The following GPA33 variants were observed in gnomAD, a reference collection of about 807,000 sequenced individuals.
GPA33 encodes the protein cell surface A33 antigen.
Under a neutral mutation model 35.6 loss-of-function variants are expected in GPA33, and 27 were observed. That is an observed-to-expected ratio of 0.76 (90% CI 0.56 to 1.04). The LOEUF is 1.04. Among genes scored for constraint, GPA33 ranks in the 50% least tolerant of loss-of-function variants. The pLI, the probability that GPA33 is intolerant of heterozygous loss-of-function variation, is 0.00. For missense variants in GPA33, 428 were observed against 411.9 expected (o/e 1.04, Z -0.34); for synonymous variants, 176 against 164.0 (o/e 1.07, Z -0.56).
intron 4 of GPA33, chr1:167,058,452 G>A (rs1332522365): frequency 6.6e-6 from 1 of 152,024 alleles, no homozygotes; most frequent in Non-Finnish European, 1.5e-5. Context: ...TATGGCAAGG[G>A]GTTTTAATCT....
At position 167,073,452 on chromosome 1, in the gene GPA33, G is replaced by A. The variant is rs376565841; in HGVS notation, c.131C>T (p.Thr44Ile). 31 of 1,612,958 alleles carry A rather than the reference G, an allele frequency of 1.9e-5. No individual in the cohort carries two copies. The highest frequency in any genetic ancestry group is 2.6e-5 in the Non-Finnish European group (31 of 1,179,100). Reference protein sequence around the residue: ...SQGKSVTLPCTYHTSTSSREG... With the variant: ...SQGKSVTLPCIYHTSTSSREG... Reference sequence around the variant, plus strand: ...TCGACTGGAGGTGGAAGTGTGGTAGGTGCAGGGCAGGGTGACACTCTTTCC... The same window carrying A: ...TCGACTGGAGGTGGAAGTGTGGTAGATGCAGGGCAGGGTGACACTCTTTCC... Residue 44 changes from threonine to isoleucine, a missense_variant, in exon 2 of 7, where the codon ACC becomes ATC. By Grantham distance (89) the Thr-to-Ile change is moderately conservative. Transcript: ENST00000367868.
intron 3 of GPA33, among the ~76,000 whole-genome samples, chr1:167,068,295 T>C (rs1666641749): frequency 6.6e-6 from 1 of 152,206 alleles, no homozygotes; most frequent in Admixed American, 6.5e-5. Flanking sequence ...TTTGAGTCAG[T>C]TCCTTCCTTT....
intron 4 of GPA33, among the ~76,000 whole-genome samples, chr1:167,057,377 C>G (rs1373832115): frequency 6.6e-6 from 1 of 151,944 alleles, no homozygotes; most frequent in South Asian, 2.1e-4. Flanking sequence ...TGGAGACCTA[C>G]CTCCTCTAAT....
chr1:167,064,802 A>G (rs759248772), intron 3 of GPA33, among the ~76,000 whole-genome samples: 8 of 151,996 alleles, frequency 5.3e-5, no homozygotes, highest in Non-Finnish European at 1.0e-4. Context: ...TGCCATAAGC[A>G]CGGGATGATG....
In GPA33 at chr1:167,054,234, T is replaced by G; in HGVS notation, c.*100A>C. The G allele has an allele frequency of 7.0e-7, 1 of 1,433,434 alleles. No homozygotes were observed. Among genetic ancestry groups the G allele is most frequent in the Non-Finnish European group, 9.6e-7 (1 of 1,041,266 alleles). 88.8% of individuals were successfully genotyped at this position (1,433,434 alleles called of 1,614,324 possible). On this transcript the variant is annotated 3_prime_UTR_variant, in exon 7 of 7. Transcript: ENST00000367868. ...GAAATGTCCCCATCAATGTCTGGGA[T>G]GGAGGGACAGGAGAACAGGGCTTAG...
intron 4 of GPA33, chr1:167,058,428 G>T (rs921494670): frequency 1.1e-4 from 17 of 152,106 alleles, no homozygotes; most frequent in African/African-American, 4.1e-4. Context: ...CAAGATGGAG[G>T]TACTATCTGA....
chr1:167,073,457 G>C lies in GPA33; in HGVS notation c.126C>G (p.Pro42=), dbSNP rs745597210. 2.5e-6 allele frequency: 4 copies of C among 1,612,780 alleles called. No homozygotes were observed. Among genetic ancestry groups the C allele is most frequent in the Non-Finnish European group, 3.4e-6 (4 of 1,178,954 alleles). The change falls in exon 2 of 7, where the codon CCC becomes CCG. Residue 42 remains proline (P), a synonymous_variant. Coordinates refer to ENST00000367868, the MANE Select transcript of GPA33 (RefSeq NM_005814.3). ...RASQGKSVTL[P]CTYHTSTSSR... is the part of the protein sequence containing the mutation. ...TGGAGGTGGAAGTGTGGTAGGTGCAGGGCAGGGTGACACTCTTTCCCTGCG... is the reference window on the plus strand; with the variant it reads ...TGGAGGTGGAAGTGTGGTAGGTGCACGGCAGGGTGACACTCTTTCCCTGCG...
At chr1:167,089,929 G>C (rs951364877) in intron 1 of GPA33, among the ~76,000 whole-genome samples, 1 of 151,754 alleles carries the variant, frequency 6.6e-6, no homozygotes, top group Non-Finnish European at 1.5e-5. Flanking sequence ...GGACAACTCC[G>C]ATTTCAAATA....
At chr1:167,087,085 T>C (rs1667066706) in intron 1 of GPA33, among the ~76,000 whole-genome samples, 1 of 152,188 alleles carries the variant, frequency 6.6e-6, no homozygotes, top group Non-Finnish European at 1.5e-5. Flanking sequence ...GCCTTGATTT[T>C]GTGCACACAT....
At chr1:167,075,861 A>G (rs530382142) in intron 1 of GPA33, among the ~76,000 whole-genome samples, 1 of 152,314 alleles carries the variant, frequency 6.6e-6, no homozygotes, top group Admixed American at 6.5e-5. Flanking sequence ...GAAGAGAACC[A>G]AGAGCAGGAA....
intron 3 of GPA33, among the ~76,000 whole-genome samples, chr1:167,067,522 T>C (rs1432766111): frequency 6.6e-6 from 1 of 152,188 alleles, no homozygotes; most frequent in Non-Finnish European, 1.5e-5. Context: ...TATATAATGC[T>C]TATGTGGAGG....
At position 167,073,378 on chromosome 1, in the gene GPA33, T is replaced by A; in HGVS notation, c.198+7A>T. On this transcript the variant is annotated splice_region_variant and intron_variant, in intron 2 of 6. Coordinates refer to ENST00000367868, the MANE Select transcript of GPA33 (RefSeq NM_005814.3). ...CCATGTTGCCTGAACTTGTAAAGTA[T>A]CCTTACCGTATGAGTGAGGAGGAGC... 1 of 1,612,836 alleles carries A rather than the reference T, an allele frequency of 6.2e-7. No individual in the cohort carries two copies. The highest frequency in any genetic ancestry group is 1.1e-5 in the South Asian group (1 of 91,002).
At position 167,053,959 on chromosome 1, in the gene GPA33, C is replaced by T. The variant is rs1333927331; in HGVS notation, c.*375G>A. 1 of 236,792 alleles carries T rather than the reference C, an allele frequency of 4.2e-6. No homozygotes were observed. The highest frequency in any genetic ancestry group is 8.2e-6 in the Non-Finnish European group (1 of 121,872). The allele number at this position is 236,792 out of a possible 1,614,324, so 14.7% of individuals were successfully genotyped here. A position where few individuals can be genotyped will look rare whatever the true frequency, so the allele number is the denominator to read the frequency against. On this transcript the variant is annotated 3_prime_UTR_variant, in exon 7 of 7. Coordinates refer to ENST00000367868, the MANE Select transcript of GPA33 (RefSeq NM_005814.3). ...ACACAGGTGAGCAGGACAGCCCCCA[C>T]CCCCCAAGGCTGGCATCGCCTCCCT...
rs72480293 is a variant in GPA33, at chr1:167,064,922, C to T, written c.416-1185G>A. On this transcript the variant is annotated intron_variant, in intron 3 of 6. Transcript: ENST00000367868. ...TGAGGGGACTCGAGCAGGCAGAGGG[C>T]GCAGAGGTAAGGAGAGGGAAGCCCA... Among the ~76,000 whole-genome samples, 525 of 152,228 alleles carry T rather than the reference C, an allele frequency of 3.4e-3. 5 individuals are homozygous for T. In the East Asian group the frequency reaches 0.054, roughly 16 times the overall value.
intron 4 of GPA33, among the ~76,000 whole-genome samples, chr1:167,056,521 CGT>C (rs1666258052): frequency 2.2e-5 from 1 of 44,906 alleles, no homozygotes; most frequent in Non-Finnish European, 5.0e-5. Flanking sequence ...TGATGTGCAG[CGT>C]GTGTGTGCTG....
At chr1:167,079,225 G>T (rs1035106782) in intron 1 of GPA33, among the ~76,000 whole-genome samples, 2 of 152,136 alleles carry the variant, frequency 1.3e-5, no homozygotes, top group African/African-American at 4.8e-5. Context: ...GGGCGTGGTG[G>T]CTCACTCCTG....
chr1:167,072,091 G>A (rs545419555), intron 2 of GPA33, among the ~76,000 whole-genome samples: 6 of 152,238 alleles, frequency 3.9e-5, no homozygotes, highest in African/African-American at 1.4e-4. Flanking sequence ...GGTGGCTATG[G>A]CCCATCATGG....
intron 1 of GPA33, among the ~76,000 whole-genome samples, chr1:167,085,407 C>T (rs1018770628): frequency 3.9e-4 from 59 of 152,216 alleles, no homozygotes; most frequent in Admixed American, 2.9e-3. Flanking sequence ...GCCAGGCACA[C>T]TTTCCCCAGG....
In GPA33 at chr1:167,069,135, T is replaced by G. The variant is rs1323248859; in HGVS notation, c.202A>C (p.Arg68=). 1.2e-6 allele frequency: 2 copies of G among 1,610,334 alleles called. No homozygotes were observed. Among genetic ancestry groups the G allele is most frequent in the Non-Finnish European group, 8.5e-7 (1 of 1,176,806 alleles). The change falls in exon 3 of 7, where the codon AGG becomes CGG. Residue 68 remains arginine, a synonymous_variant. Transcript: ENST00000367868. ...TTTGAAAACGGCCAGATGACCACCC[T>G]TTCCTGGAGAGAGAAGAAATGGCAC... ...WDKLLLTHTE[R]VVIWPFSNKN...
Sources: gnomAD v4.1 joint callset for allele counts (sites outside exome capture counted in the v4.1 genomes callset) on GRCh38, gnomAD v4.1.1 for gene constraint, MANE v1.5 for transcripts, NCBI Gene and HGNC (gene_info 2026-07-23, HGNC 2026-07-21) for gene names.